EFNA5: variants seen among roughly 807,000 people sequenced by gnomAD.
EFNA5 encodes ephrin A5, also known as ephrin-A5.
EFNA5 carries 5 observed loss-of-function variants against 22.9 expected under a neutral mutation model. The observed-to-expected ratio is 0.22, with a 90% CI of 0.11 to 0.46. The LOEUF (loss-of-function observed/expected upper bound fraction) is 0.46, where lower values mean the gene tolerates loss of function less well. Ranked by LOEUF, EFNA5 falls within the 20% of genes least tolerant of loss-of-function variation. The pLI, the probability that EFNA5 is intolerant of heterozygous loss-of-function variation, is 0.99. For synonymous variants in EFNA5, 113 were observed against 112.2 expected (o/e 1.01, Z -0.04); for missense variants, 237 against 293.3 (o/e 0.81, Z 1.40).
chr5:107,411,765 T>C (rs1357041017), intron 2 of EFNA5, among the ~76,000 whole-genome samples: 3 of 152,214 alleles, frequency 2.0e-5, no homozygotes, highest in Non-Finnish European at 2.9e-5. Context: ...TTTAAACTTT[T>C]TTCACAGATG....
intron 1 of EFNA5, among the ~76,000 whole-genome samples, chr5:107,627,897 C>T (rs900851865): frequency 1.3e-5 from 2 of 152,122 alleles, no homozygotes; most frequent in Admixed American, 1.3e-4. Flanking sequence ...TTATCTCCAT[C>T]AGAGCTATAC....
chr5:107,655,715 A>G (rs747759077), intron 1 of EFNA5, among the ~76,000 whole-genome samples: 1 of 152,152 alleles, frequency 6.6e-6, no homozygotes, highest in Non-Finnish European at 1.5e-5. Context: ...CTAAATAACT[A>G]TAAACATAGG....
At chr5:107,635,026 C>A (rs189273575) in intron 1 of EFNA5, among the ~76,000 whole-genome samples, 6 of 152,268 alleles carry the variant, frequency 3.9e-5, no homozygotes, top group Non-Finnish European at 1.5e-5. Flanking sequence ...AAAATTAATT[C>A]TTAGTCTACA....
At chr5:107,574,308 G>A (rs751360737) in intron 1 of EFNA5, among the ~76,000 whole-genome samples, 4 of 152,076 alleles carry the variant, frequency 2.6e-5, no homozygotes, top group East Asian at 1.9e-4. Flanking sequence ...GTTGATTTTC[G>A]GGAGTACTCA....
At chr5:107,484,246 T>A (rs1158205783) in intron 1 of EFNA5, among the ~76,000 whole-genome samples, 1 of 152,140 alleles carries the variant, frequency 6.6e-6, no homozygotes, top group Non-Finnish European at 1.5e-5. Flanking sequence ...AGGTTAATGG[T>A]TTCGAGTCTT....
intron 2 of EFNA5, among the ~76,000 whole-genome samples, chr5:107,391,696 A>T (rs1372452492): frequency 6.6e-6 from 1 of 152,244 alleles, no homozygotes; most frequent in East Asian, 1.9e-4. Context: ...GAGTAGGGAT[A>T]TGGGGACAAT....
chr5:107,627,122 T>C (rs994089481), intron 1 of EFNA5, among the ~76,000 whole-genome samples: 3 of 152,250 alleles, frequency 2.0e-5, no homozygotes, highest in Admixed American at 6.5e-5. Flanking sequence ...GAGTGATTTA[T>C]TTCCATTTTG....
chr5:107,495,759 C>T (rs1404975737), intron 1 of EFNA5, among the ~76,000 whole-genome samples: 2 of 152,134 alleles, frequency 1.3e-5, no homozygotes, highest in African/African-American at 2.4e-5. Flanking sequence ...CATTTCCAAG[C>T]ATCCCCGGAA....
At chr5:107,505,487 T>C (rs374483661) in intron 1 of EFNA5, among the ~76,000 whole-genome samples, 162 of 152,300 alleles carry the variant, frequency 1.1e-3, no homozygotes, top group African/African-American at 3.7e-3. Context: ...ATTTAGGTCA[T>C]TGATCTCAGA....
chr5:107,591,299 G>A (rs72660776), intron 1 of EFNA5, among the ~76,000 whole-genome samples: 6,107 of 152,194 alleles, frequency 0.04, 375 homozygotes, highest in African/African-American at 0.13. Context: ...AAATATGGTA[G>A]CATCTGGCAA....
intron 1 of EFNA5, among the ~76,000 whole-genome samples, chr5:107,562,944 T>C (rs955879040): frequency 3.3e-5 from 5 of 152,168 alleles, no homozygotes; most frequent in African/African-American, 7.2e-5. Flanking sequence ...ACTGAGCTGT[T>C]TGTGTTATAA....
Position 107,486,901 on chromosome 5 carries a change from T to A in EFNA5, c.126-59392A>T, listed in dbSNP as rs535649964. ...AAAGAATTTTAGGGTCTCCTCAGTG[T>A]ATTTATACTTTAGTTTCCTTCCCCC... On this transcript the variant is annotated intron_variant, in intron 1 of 4. Transcript: ENST00000333274. 1.8e-3 allele frequency among the ~76,000 whole-genome samples: 269 copies of A among 152,290 alleles called. 6 individuals are homozygous for A. In the East Asian group the frequency reaches 0.043, roughly 24 times the overall value.
chr5:107,430,774 CTTTTTTTTTT>C (rs869266799), intron 1 of EFNA5, among the ~76,000 whole-genome samples: 9 of 20,292 alleles, frequency 4.4e-4, no homozygotes, highest in African/African-American at 7.7e-4. Flanking sequence ...TTCTTTCTTT[CTTTTTTTTTT>C]TTTTTTTTTT....
intron 1 of EFNA5, among the ~76,000 whole-genome samples, chr5:107,618,186 T>C (rs1004803263): frequency 6.6e-6 from 1 of 152,228 alleles, no homozygotes; most frequent in African/African-American, 2.4e-5. Context: ...TCAGAAATTC[T>C]CCTCTGTTTC....
At chr5:107,503,975 G>A (rs553814873) in intron 1 of EFNA5, among the ~76,000 whole-genome samples, 2 of 152,156 alleles carry the variant, frequency 1.3e-5, no homozygotes, top group South Asian at 4.2e-4. Context: ...CTAATAATCA[G>A]GCAATTCTCC....
At chr5:107,593,521 G>A (rs1749417816) in intron 1 of EFNA5, among the ~76,000 whole-genome samples, 1 of 152,158 alleles carries the variant, frequency 6.6e-6, no homozygotes, top group African/African-American at 2.4e-5. Flanking sequence ...CAAACCTCGA[G>A]AGCAGAGGGG....
intron 4 of EFNA5, among the ~76,000 whole-genome samples, chr5:107,386,017 T>G (rs1747609355): frequency 6.6e-6 from 1 of 152,032 alleles, no homozygotes; most frequent in Non-Finnish European, 1.5e-5. Flanking sequence ...TTGTATGTCC[T>G]GAGGCACAGC....
chr5:107,654,858 A>C (rs1483479933), intron 1 of EFNA5, among the ~76,000 whole-genome samples: 1 of 152,136 alleles, frequency 6.6e-6, no homozygotes, highest in Non-Finnish European at 1.5e-5. Flanking sequence ...CATCACATGC[A>C]CTGGAATCTG....
intron 2 of EFNA5, among the ~76,000 whole-genome samples, chr5:107,397,110 G>C (rs577462314): frequency 1.3e-5 from 2 of 151,878 alleles, no homozygotes; most frequent in South Asian, 4.2e-4. Context: ...TACTATTTGG[G>C]TTAGCCTGGT....
Sources: allele counts gnomAD v4.1 joint callset (sites outside exome capture counted in the v4.1 genomes callset), GRCh38; gene constraint gnomAD v4.1.1; transcripts MANE v1.5; gene names NCBI Gene and HGNC (gene_info 2026-07-23, HGNC 2026-07-21).